The following PPARGC1A variants were observed in gnomAD, a reference collection of about 807,000 sequenced individuals.
The protein encoded by PPARGC1A is peroxisome proliferator-activated receptor gamma coactivator 1-alpha.
In PPARGC1A, 25 loss-of-function variants were observed where a neutral mutation model predicts 88.7. The observed-to-expected ratio is 0.28, with a 90% CI of 0.21 to 0.39. The LOEUF (loss-of-function observed/expected upper bound fraction) is 0.39. Among genes scored for constraint, PPARGC1A ranks in the 10% least tolerant of loss-of-function variants. The pLI, the probability that PPARGC1A is intolerant of heterozygous loss-of-function variation, is 1.00. For synonymous variants in PPARGC1A, 363 were observed against 355.6 expected (o/e 1.02, Z -0.24); for missense variants, 880 against 968.7 (o/e 0.91, Z 1.22).
the PPARGC1A span, among the ~76,000 whole-genome samples, chr4:24,106,493 G>A: frequency 6.6e-6 from 1 of 152,068 alleles, no homozygotes; most frequent in Non-Finnish European, 1.5e-5. Context: ...GGAAGCCCAG[G>A]GTCTTTCAAG....
At chr4:24,323,483 G>A in the PPARGC1A span, among the ~76,000 whole-genome samples, 1 of 152,016 alleles carries the variant, frequency 6.6e-6, no homozygotes, top group Admixed American at 6.6e-5. Flanking sequence ...CCTTCTCCTG[G>A]CTCAGAAGCT....
At chr4:23,986,223 C>T in the PPARGC1A span, among the ~76,000 whole-genome samples, 2 of 151,790 alleles carry the variant, frequency 1.3e-5, no homozygotes. Context: ...ATTGAAATGC[C>T]TTAAGGCAGA....
the PPARGC1A span, among the ~76,000 whole-genome samples, chr4:24,262,652 C>T: frequency 1.3e-5 from 2 of 152,094 alleles, no homozygotes; most frequent in Non-Finnish European, 2.9e-5. Flanking sequence ...TGGACCCCTT[C>T]CAAGAATGGT....
chr4:24,212,709 G>A, the PPARGC1A span, among the ~76,000 whole-genome samples: 3 of 152,216 alleles, frequency 2.0e-5, no homozygotes, highest in African/African-American at 2.4e-5. Flanking sequence ...AGCCCTCAGC[G>A]AGAACCACAA....
At chr4:23,905,587 T>C (rs1367259607), upstream of PPARGC1A, among the ~76,000 whole-genome samples, 1 of 152,206 alleles carries the variant, frequency 6.6e-6, no homozygotes, top group Non-Finnish European at 1.5e-5. Flanking sequence ...ATAAAAATAG[T>C]AATACAGAAA....
chr4:23,887,289 C>A (rs1717082075), intron 1 of PPARGC1A, among the ~76,000 whole-genome samples: 1 of 152,160 alleles, frequency 6.6e-6, no homozygotes, highest in Non-Finnish European at 1.5e-5. Context: ...CTAATAAAAT[C>A]TGTGCTTCTG....
At chr4:24,199,222 G>T in the PPARGC1A span, among the ~76,000 whole-genome samples, 140 of 152,170 alleles carry the variant, frequency 9.2e-4, 1 homozygote, top group African/African-American at 3.3e-3. Flanking sequence ...GGTTTTGTTG[G>T]ATTAGCTTAT....
Position 23,792,126 on chromosome 4 carries a change from A to G in PPARGC1A, c.*3696T>C, listed in dbSNP as rs1033889606. The G allele has an allele frequency of 2.6e-5, 4 of 152,612 alleles. No individual in the cohort carries two copies. The highest frequency in any genetic ancestry group is 9.7e-5 in the African/African-American group (4 of 41,448). 9.5% of individuals were successfully genotyped at this position (152,612 alleles called of 1,614,324 possible). A position where few individuals can be genotyped will look rare whatever the true frequency, so the allele number is the denominator to read the frequency against. Reference sequence around the variant, plus strand: ...TTCATACAATGAATAAAACCACAACAATACATGTAGAATTGGCAGGTGGAA... The same window carrying G: ...TTCATACAATGAATAAAACCACAACGATACATGTAGAATTGGCAGGTGGAA... On this transcript the variant is annotated 3_prime_UTR_variant, in exon 13 of 13. Transcript: ENST00000264867.
At chr4:23,961,780 A>C in the PPARGC1A span, among the ~76,000 whole-genome samples, 4 of 152,204 alleles carry the variant, frequency 2.6e-5, no homozygotes, top group Admixed American at 6.5e-5. Context: ...GCCTCCCACA[A>C]GCCCCCTGTA....
At chr4:24,022,726 T>G in the PPARGC1A span, among the ~76,000 whole-genome samples, 129 of 152,266 alleles carry the variant, frequency 8.5e-4, no homozygotes, top group African/African-American at 2.9e-3. Flanking sequence ...AGGATAGGGA[T>G]CGGGTCCCAG....
chr4:24,214,503 A>G, the PPARGC1A span, among the ~76,000 whole-genome samples: 2 of 152,230 alleles, frequency 1.3e-5, no homozygotes, highest in African/African-American at 4.8e-5. Context: ...GAGGAGGAAG[A>G]CATAAAAACC....
At chr4:24,396,093 C>A in the PPARGC1A span, among the ~76,000 whole-genome samples, 1 of 151,982 alleles carries the variant, frequency 6.6e-6, no homozygotes, top group East Asian at 1.9e-4. Context: ...CCCACATCTC[C>A]TGGGGCAGAG....
At chr4:24,328,253 C>G in the PPARGC1A span, among the ~76,000 whole-genome samples, 1,198 of 37,352 alleles carry the variant, frequency 0.032, 8 homozygotes, top group Admixed American at 0.11. Flanking sequence ...AATTAGCAGC[C>G]CCCCCCCCAA....
intron 2 of PPARGC1A, chr4:23,876,103 C>A (rs1000856843): frequency 6.6e-6 from 1 of 152,390 alleles, no homozygotes; most frequent in Non-Finnish European, 1.5e-5. Context: ...ACACAGATAG[C>A]ATAGTTAGTT....
chr4:24,448,653 G>A, the PPARGC1A span, among the ~76,000 whole-genome samples: 1 of 152,140 alleles, frequency 6.6e-6, no homozygotes, highest in Non-Finnish European at 1.5e-5. Context: ...CACATAGGGA[G>A]TTGCTTCCCA....
At chr4:24,337,600 A>G in the PPARGC1A span, among the ~76,000 whole-genome samples, 51 of 151,912 alleles carry the variant, frequency 3.4e-4, no homozygotes, top group Admixed American at 3.3e-3. Context: ...ACATCATAAC[A>G]TAACAGTTAC....
At chr4:24,339,206 GTGTGTGTA>G in the PPARGC1A span, among the ~76,000 whole-genome samples, 1 of 37,626 alleles carries the variant, frequency 2.7e-5, no homozygotes, top group Non-Finnish European at 6.7e-5. Context: ...GTGTGTGTGT[GTGTGTGTA>G]TATATATATA....
rs78423112 is a variant in PPARGC1A at position 23,886,104 on chromosome 4, G to C, written c.55-1173C>G. ...GCAGGGGTCTGGCATTGCCAGAACA[G>C]TAAGGACTTCATCCACCTGTAAGTG... On this transcript the variant is annotated intron_variant, in intron 1 of 12. Transcript: ENST00000264867. Among the ~76,000 whole-genome samples, 615 of 152,284 alleles carry C rather than the reference G, an allele frequency of 4.0e-3. 3 individuals carry two copies. The highest frequency in any genetic ancestry group is 7.2e-3 in the Non-Finnish European group (487 of 68,026).
At chr4:24,398,010 AG>A in the PPARGC1A span, among the ~76,000 whole-genome samples, 1 of 152,332 alleles carries the variant, frequency 6.6e-6, no homozygotes, top group Admixed American at 6.5e-5. Flanking sequence ...CTCTGAAAAA[AG>A]TGACACTGCC....
Sources: gnomAD v4.1 joint callset for allele counts (sites outside exome capture counted in the v4.1 genomes callset) on GRCh38, gnomAD v4.1.1 for gene constraint, MANE v1.5 for transcripts, NCBI Gene and HGNC (gene_info 2026-07-23, HGNC 2026-07-21) for gene names.